EIF3J: variants seen among roughly 807,000 people sequenced by gnomAD.
EIF3J encodes the protein eukaryotic translation initiation factor 3 subunit J.
Under a neutral mutation model 39.0 loss-of-function variants are expected in EIF3J, and 15 were observed. That is an observed-to-expected ratio of 0.38 (90% CI 0.26 to 0.59). The LOEUF is 0.59. EIF3J is among the 20% of genes least tolerant of loss of function. EIF3J has a pLI of 0.60. For missense variants in EIF3J, 226 were observed against 308.6 expected (o/e 0.73, Z 2.00); for synonymous variants, 98 against 112.9 (o/e 0.87, Z 0.84).
At chr15:44,543,622 C>T (rs143939031) in intron 2 of EIF3J, among the ~76,000 whole-genome samples, 238 of 152,166 alleles carry the variant, frequency 1.6e-3, no homozygotes, top group African/African-American at 5.5e-3. Context: ...CCATGTTGGC[C>T]AGGATGGTCT....
intron 2 of EIF3J, among the ~76,000 whole-genome samples, chr15:44,546,815 TC>T (rs1290128339): frequency 2.2e-5 from 3 of 137,346 alleles, no homozygotes; most frequent in African/African-American, 8.6e-5. Flanking sequence ...AGAGTATAGA[TC>T]TTTTTTTTTT....
chr15:44,549,965 A>G (rs938436968), intron 2 of EIF3J, among the ~76,000 whole-genome samples: 1 of 151,950 alleles, frequency 6.6e-6, no homozygotes, highest in Non-Finnish European at 1.5e-5. Context: ...AAAAAAAAAA[A>G]AAAGTCTGGT....
Position 44,547,740 on chromosome 15 carries a change from C to T in EIF3J, c.148-3136C>T, listed in dbSNP as rs540474147. 9.2e-5 allele frequency among the ~76,000 whole-genome samples: 14 copies of T among 152,084 alleles called. No homozygotes were observed. The South Asian group carries it at 1.2e-3, about 14-fold the overall frequency. On this transcript the variant is annotated intron_variant, in intron 2 of 7. Transcript: ENST00000261868. ...TGGGATTACAGGCATGAGCCACGCA[C>T]CCGGCCTGACTCCTTTTTAATAGTG...
At position 44,537,442 on chromosome 15, in the gene EIF3J, G is replaced by C. The variant is rs1477709623; in HGVS notation, c.147+15G>C. 6.6e-7 allele frequency: 1 copy of C among 1,524,868 alleles called. No homozygotes were observed. The highest frequency in any genetic ancestry group is 2.1e-5 in the Admixed American group (1 of 47,498). 94.5% of individuals were successfully genotyped at this position (1,524,868 alleles called of 1,614,324 possible). ...AGGACGTCAAGGTGGGTGCGGGCTA[G>C]GGCGCCGGGCAGCGCGGAAGCGGGC... On this transcript the variant is annotated intron_variant, in intron 2 of 7. Coordinates refer to ENST00000261868, the MANE Select transcript of EIF3J (RefSeq NM_003758.4).
At chr15:44,557,169 CTG>C (rs1567120044) in intron 5 of EIF3J, among the ~76,000 whole-genome samples, 1 of 151,984 alleles carries the variant, frequency 6.6e-6, no homozygotes, top group Non-Finnish European at 1.5e-5. Flanking sequence ...TGTAAGATAT[CTG>C]TAATGGCAGG....
At chr15:44,539,739 T>C (rs1028848906) in intron 2 of EIF3J, among the ~76,000 whole-genome samples, 6 of 150,478 alleles carry the variant, frequency 4.0e-5, no homozygotes, top group Admixed American at 1.3e-4. Context: ...TTTCTTTTTT[T>C]TTTTTTTTTT....
At chr15:44,546,035 A>G (rs931158748) in intron 2 of EIF3J, among the ~76,000 whole-genome samples, 1 of 152,228 alleles carries the variant, frequency 6.6e-6, no homozygotes. Flanking sequence ...TGGTCCTCCT[A>G]TCTGAAACAC....
At chr15:44,542,176 T>TGGCTTCTAGGCACCCA (rs968667933) in intron 2 of EIF3J, among the ~76,000 whole-genome samples, 1 of 152,208 alleles carries the variant, frequency 6.6e-6, no homozygotes, top group African/African-American at 2.4e-5. Context: ...GCAGGCACCT[T>TGGCTTCTAGGCACCCA]GGCTTCTAGG....
rs141723811 is a variant in EIF3J at position 44,537,866 on chromosome 15, A to G, written c.147+439A>G. 4.3e-3 allele frequency among the ~76,000 whole-genome samples: 656 copies of G among 152,334 alleles called. 4 individuals carry two copies. The highest frequency in any genetic ancestry group is 0.015 in the African/African-American group (634 of 41,582). On this transcript the variant is annotated intron_variant, in intron 2 of 7. Transcript: ENST00000261868. ...TAACTCATTTATGACCCTGAGGTCT[A>G]CTTATACAGTTTGTTCGAGGGATTA...
chr15:44,537,211 CGGCGGCGGG>C lies in EIF3J; in HGVS notation c.20_28del (p.Ala7_Gly9del). ...CGGCTCGAGATGGCGGCGGCGGCGG[CGGCGGCGGG>C]GGACTCGGACTCCTGGGGTGAGGAG... is the stretch of plus-strand genomic sequence containing the variant. On this transcript the variant is annotated inframe_deletion, in exon 1 of 8. Transcript: ENST00000261868. The C allele has an allele frequency of 1.9e-6, 3 of 1,605,350 alleles. No homozygotes were observed. The highest frequency in any genetic ancestry group is 3.3e-4 in the Middle Eastern group (2 of 6,046).
rs374793165 is a variant in EIF3J at position 44,537,309 on chromosome 15, C to T, written c.44-15C>T. ...CGCAGTGGCAGGCACTAACACGGCTCGCTTTCTTCCGTAGACGCCGACGCT... is the reference window on the plus strand; with the variant it reads ...CGCAGTGGCAGGCACTAACACGGCTTGCTTTCTTCCGTAGACGCCGACGCT... On this transcript the variant is annotated splice_polypyrimidine_tract_variant and intron_variant, in intron 1 of 7. Coordinates refer to ENST00000261868, the MANE Select transcript of EIF3J (RefSeq NM_003758.4). The T allele has an allele frequency of 1.7e-5, 26 of 1,560,376 alleles. No homozygotes were observed. Among genetic ancestry groups the T allele is most frequent in the Middle Eastern group, 1.7e-4 (1 of 5,964 alleles).
chr15:44,550,542 A>G (rs2082090458), intron 2 of EIF3J: 1 of 162,594 alleles, frequency 6.2e-6, no homozygotes, highest in African/African-American at 2.4e-5. Flanking sequence ...AGAGGACATA[A>G]TAGGAAAACA....
In EIF3J at chr15:44,537,334, T is replaced by C; in HGVS notation, c.54T>C (p.Ala18=). Residue 18 remains alanine, a synonymous_variant, in exon 2 of 8, where the codon GCT becomes GCC. Coordinates refer to ENST00000261868, the MANE Select transcript of EIF3J (RefSeq NM_003758.4). ...AGDSDSWDAD[A]FSVEDPVRKV... The stretch of plus-strand genomic sequence containing the variant: ...CGCTTTCTTCCGTAGACGCCGACGC[T>C]TTCTCCGTGGAAGACCCAGTGCGGA... 3.2e-6 allele frequency: 5 copies of C among 1,564,294 alleles called. No individual in the cohort carries two copies. Among genetic ancestry groups the C allele is most frequent in the Non-Finnish European group, 4.3e-6 (5 of 1,154,638 alleles).
In EIF3J at chr15:44,562,243, A is replaced by G. The variant is rs945676429; in HGVS notation, c.*1094A>G. ...TTTGCCAGGTCCTTATGTTGTCACC[A>G]TAGAGCAACAAAGGTATAGGGCTGC... is the stretch of plus-strand genomic sequence containing the variant. On this transcript the variant is annotated 3_prime_UTR_variant, in exon 8 of 8. Coordinates refer to ENST00000261868, the MANE Select transcript of EIF3J (RefSeq NM_003758.4). 2.0e-5 allele frequency: 3 copies of G among 152,586 alleles called. No individual in the cohort carries two copies. The highest frequency in any genetic ancestry group is 2.1e-4 in the South Asian group (1 of 4,826). 9.5% of individuals were successfully genotyped at this position (152,586 alleles called of 1,614,324 possible). A position where few individuals can be genotyped will look rare whatever the true frequency, so the allele number is the denominator to read the frequency against.
At chr15:44,537,594 A>T (rs2081970220) in intron 2 of EIF3J, among the ~76,000 whole-genome samples, 167 bp downstream of exon 2, 1 of 152,110 alleles carries the variant, frequency 6.6e-6, no homozygotes, top group African/African-American at 2.4e-5. Context: ...GTGTGGGCCG[A>T]AGACTGGCAG....
intron 6 of EIF3J, 57 bp downstream of exon 6, chr15:44,557,707 C>G: frequency 7.7e-7 from 1 of 1,297,904 alleles, no homozygotes. Flanking sequence ...ATGTTCTCTT[C>G]AGGAGGTTGA....
In EIF3J at chr15:44,561,720, C is replaced by G. The variant is rs1213230294; in HGVS notation, c.*571C>G. The G allele has an allele frequency of 1.3e-5, 2 of 152,488 alleles. No individual in the cohort carries two copies. The highest frequency in any genetic ancestry group is 4.8e-5 in the African/African-American group (2 of 41,426). The allele number at this position is 152,488 out of a possible 1,614,324, so 9.4% of individuals were successfully genotyped here. On this transcript the variant is annotated 3_prime_UTR_variant, in exon 8 of 8. Coordinates refer to ENST00000261868, the MANE Select transcript of EIF3J (RefSeq NM_003758.4). ...ATATAAAATTAAAATGACCAAAACC[C>G]TCCAACTTTGAAGCTAAAGAAGGTA...
intron 2 of EIF3J, among the ~76,000 whole-genome samples, chr15:44,547,268 C>G (rs1014157585): frequency 6.6e-6 from 1 of 151,726 alleles, no homozygotes; most frequent in Non-Finnish European, 1.5e-5. Context: ...CTCAGCCTCC[C>G]GAGTAGCTGG....
intron 6 of EIF3J, among the ~76,000 whole-genome samples, chr15:44,559,884 G>A (rs966546285): frequency 6.6e-6 from 1 of 152,108 alleles, no homozygotes; most frequent in Non-Finnish European, 1.5e-5. Flanking sequence ...GAGCAATGGT[G>A]TGTTGGTGAT....
Sources: gnomAD v4.1 joint callset for allele counts (sites outside exome capture counted in the v4.1 genomes callset) on GRCh38, gnomAD v4.1.1 for gene constraint, MANE v1.5 for transcripts, NCBI Gene and HGNC (gene_info 2026-07-23, HGNC 2026-07-21) for gene names.